COL4A1: variants seen among roughly 807,000 people sequenced by gnomAD.
The protein encoded by COL4A1 is collagen type IV alpha 1 chain.
In COL4A1, 40 loss-of-function variants were observed where a neutral mutation model predicts 216.6. That is an observed-to-expected ratio of 0.18 (90% CI 0.14 to 0.24). COL4A1 has a LOEUF of 0.24. Among genes scored for constraint, COL4A1 ranks in the 10% least tolerant of loss-of-function variants. The pLI is 1.00. For missense variants in COL4A1, 1,628 were observed against 2,196.8 expected (o/e 0.74, Z 5.18); for synonymous variants, 839 against 810.7 (o/e 1.03, Z -0.59).
chr13:110,159,023 G>A (rs565337455), intron 49 of COL4A1, among the ~76,000 whole-genome samples: 4 of 152,198 alleles, frequency 2.6e-5, no homozygotes, highest in South Asian at 4.1e-4. Context: ...GATTACAGGC[G>A]TGAGCCACTG....
In COL4A1 at chr13:110,290,335, G is replaced by A. The variant is rs142809558; in HGVS notation, c.84+16609C>T. 1.7e-3 allele frequency among the ~76,000 whole-genome samples: 257 copies of A among 152,322 alleles called. 1 individual carries two copies. Among genetic ancestry groups the A allele is most frequent in the African/African-American group, 6.0e-3 (248 of 41,588 alleles). On this transcript the variant is annotated intron_variant, in intron 1 of 51. Transcript: ENST00000375820. ...ACTCCCCAGAGGGAACACAATCTGT[G>A]CAGCATTCGTTTTATCATTAACATG...
At chr13:110,261,036 C>CAAAAAAAAA (rs575253533) in intron 1 of COL4A1, among the ~76,000 whole-genome samples, 6,663 of 82,418 alleles carry the variant, frequency 0.081, 752 homozygotes, top group Non-Finnish European at 0.097. Context: ...GACTCCGTCT[C>CAAAAAAAAA]AAAAAAAAAA....
intron 1 of COL4A1, among the ~76,000 whole-genome samples, chr13:110,275,590 C>T (rs994442835): frequency 6.6e-6 from 1 of 152,232 alleles, no homozygotes; most frequent in Non-Finnish European, 1.5e-5. Context: ...ACACGAAACC[C>T]TGCACATGGA....
chr13:110,208,434 G>A (rs1879619050), intron 12 of COL4A1, among the ~76,000 whole-genome samples: 1 of 152,128 alleles, frequency 6.6e-6, no homozygotes, highest in African/African-American at 2.4e-5. Flanking sequence ...CCGGTGGTGA[G>A]GGGCCGCTGC....
chr13:110,186,272 G>A, intron 26 of COL4A1, 113 bp downstream of exon 26: 2 of 1,353,690 alleles, frequency 1.5e-6, no homozygotes, highest in South Asian at 1.2e-5. Context: ...AAGAATCAAA[G>A]CCAAGTGTGC....
chr13:110,278,289 A>C (rs1883500566), intron 1 of COL4A1, among the ~76,000 whole-genome samples: 1 of 152,248 alleles, frequency 6.6e-6, no homozygotes, highest in Non-Finnish European at 1.5e-5. Context: ...ATGTATTCAC[A>C]GAATTTTTAT....
chr13:110,246,368 G>A (rs895018920), intron 1 of COL4A1, among the ~76,000 whole-genome samples: 2 of 151,772 alleles, frequency 1.3e-5, no homozygotes, highest in African/African-American at 4.8e-5. Flanking sequence ...TACAAAGGAT[G>A]ACCTGAGTAC....
Position 110,163,671 on chromosome 13 carries a change from A to G in COL4A1, c.4151-110T>C, listed in dbSNP as rs192850661. On this transcript the variant is annotated intron_variant, in intron 46 of 51. Coordinates refer to ENST00000375820, the MANE Select transcript of COL4A1 (RefSeq NM_001845.6). ...TTCAAGGAGCCAAGCATAAAGTCTC[A>G]CTGCAGATGAGAACGTTTTCTCGGA... The G allele has an allele frequency of 3.0e-3, 3,128 of 1,047,358 alleles. 18 individuals carry two copies. Among genetic ancestry groups the G allele is most frequent in the South Asian group, 4.4e-3 (327 of 73,604 alleles). 64.9% of individuals were successfully genotyped at this position (1,047,358 alleles called of 1,614,324 possible).
intron 29 of COL4A1, 148 bp from the exon 30 acceptor site, chr13:110,179,569 G>C: frequency 1.7e-6 from 2 of 1,145,340 alleles, no homozygotes; most frequent in Non-Finnish European, 2.5e-6. Context: ...CGTTTGCAAA[G>C]CTTCCTCATA....
intron 11 of COL4A1, 66 bp from the exon 12 acceptor site, chr13:110,208,956 C>A: frequency 6.7e-7 from 1 of 1,489,412 alleles, no homozygotes; most frequent in Non-Finnish European, 9.4e-7. Flanking sequence ...ATTCTACAAA[C>A]CTCACACAAA....
rs112719021 is a variant in COL4A1 at position 110,218,043 on chromosome 13, G to A, written c.145-4028C>T. ...AAAGCAAATACTCTAATAAGCTTCC[G>A]TCATAGCTAAGTCAGAAATTCAAAT... is the stretch of plus-strand genomic sequence containing the variant. On this transcript the variant is annotated intron_variant, in intron 2 of 51. Transcript: ENST00000375820. 3.4e-3 allele frequency among the ~76,000 whole-genome samples: 521 copies of A among 152,206 alleles called. 4 individuals carry two copies. Among genetic ancestry groups the A allele is most frequent in the African/African-American group, 0.011 (469 of 41,510 alleles).
chr13:110,228,548 C>T (rs1021668745), intron 2 of COL4A1, among the ~76,000 whole-genome samples: 5 of 152,254 alleles, frequency 3.3e-5, no homozygotes, highest in African/African-American at 1.2e-4. Context: ...GGGGACTCTT[C>T]TTTGAAACAC....
intron 24 of COL4A1, among the ~76,000 whole-genome samples, chr13:110,188,828 G>A (rs921402291): frequency 2.0e-5 from 3 of 152,278 alleles, no homozygotes; most frequent in Non-Finnish European, 2.9e-5. Flanking sequence ...AAACATCGCA[G>A]GCTAAGGAAC....
chr13:110,228,526 G>C (rs1245792648), intron 2 of COL4A1, among the ~76,000 whole-genome samples: 1 of 147,476 alleles, frequency 6.8e-6, no homozygotes, highest in African/African-American at 2.4e-5. Flanking sequence ...CGAATGAGCA[G>C]CCTCCAGGCT....
chr13:110,203,509 G>C, intron 18 of COL4A1, 57 bp downstream of exon 18: 2 of 1,587,882 alleles, frequency 1.3e-6, no homozygotes, highest in South Asian at 2.2e-5. Flanking sequence ...CAGACCCAGG[G>C]TCCTCTCCTT....
chr13:110,149,839 G>C lies in COL4A1; in HGVS notation c.*524C>G, dbSNP rs1367057466. On this transcript the variant is annotated 3_prime_UTR_variant, in exon 52 of 52. Coordinates refer to ENST00000375820, the MANE Select transcript of COL4A1 (RefSeq NM_001845.6). ...GCAGAAAGACAGAAATTTATACTGG[G>C]GGGTTGGAAGATATGGCTACTGAGT... is the stretch of plus-strand genomic sequence containing the variant. The C allele has an allele frequency of 6.0e-6, 1 of 166,420 alleles. No homozygotes were observed. Among genetic ancestry groups the C allele is most frequent in the Non-Finnish European group, 1.3e-5 (1 of 75,366 alleles). The allele number at this position is 166,420 out of a possible 1,614,324, so 10.3% of individuals were successfully genotyped here. A position where few individuals can be genotyped will look rare whatever the true frequency, so the allele number is the denominator to read the frequency against.
chr13:110,170,718 C>T lies in COL4A1; in HGVS notation c.3571G>A (p.Val1191Met), dbSNP rs1303525775. 6.2e-7 allele frequency: 1 copy of T among 1,614,212 alleles called. No homozygotes were observed. Among genetic ancestry groups the T allele is most frequent in the Admixed American group, 1.7e-5 (1 of 60,032 alleles). ...CTCCCGGCTAATCCTGGGAAACCCA[C>T]CTCACCCTTTGAACCTGAACAAGAA... ...AKGDKGSKGE[V>M]GFPGLAGSPG... is the part of the protein sequence containing the mutation. The change falls in exon 42 of 52, where the codon GTG becomes ATG. Residue 1191 changes from valine (V) to methionine (M), a missense_variant. Around this residue, in one of 8 missense-constraint regions of COL4A1, gnomAD observed 345 missense variants for 476.9 expected, o/e 0.72. Transcript: ENST00000375820.
intron 50 of COL4A1, among the ~76,000 whole-genome samples, chr13:110,153,340 C>T (rs754487340): frequency 1.3e-5 from 2 of 152,214 alleles, no homozygotes; most frequent in African/African-American, 2.4e-5. Context: ...GTCCTGAGAA[C>T]TCAGAGGAGG....
intron 20 of COL4A1, among the ~76,000 whole-genome samples, chr13:110,199,240 C>T (rs2139188206): frequency 6.6e-6 from 1 of 152,340 alleles, no homozygotes; most frequent in East Asian, 1.9e-4. Context: ...GGAGAAAGCT[C>T]TGCTGCTTCT....
Sources: allele counts gnomAD v4.1 joint callset (sites outside exome capture counted in the v4.1 genomes callset), GRCh38; gene constraint gnomAD v4.1.1; regional missense constraint gnomAD v4.1.1; transcripts MANE v1.5; gene names NCBI Gene and HGNC (gene_info 2026-07-23, HGNC 2026-07-21).